The following ALPK1 variants were observed in gnomAD, a reference collection of about 807,000 sequenced individuals.
The protein encoded by ALPK1 is alpha-protein kinase 1.
ALPK1 carries 110 observed loss-of-function variants against 120.6 expected under a neutral mutation model. The ratio of observed to expected loss-of-function variants is 0.91; its 90% CI spans 0.78 to 1.07. The LOEUF (loss-of-function observed/expected upper bound fraction) is 1.07, where lower values mean the gene tolerates loss of function less well. Among genes scored for constraint, ALPK1 ranks in the 50% least tolerant of loss-of-function variants. ALPK1 has a pLI of 0.00. For missense variants in ALPK1, 1,498 were observed against 1,483.9 expected, an observed-to-expected ratio of 1.01 and a Z score of -0.16; for synonymous variants, 582 against 560.3, an observed-to-expected ratio of 1.04 and a Z score of -0.55.
At chr4:112,421,619 A>G (rs1223455402) in intron 5 of ALPK1, among the ~76,000 whole-genome samples, 2 of 152,208 alleles carry the variant, frequency 1.3e-5, no homozygotes, top group African/African-American at 4.8e-5. Context: ...CCCCTTATTC[A>G]TGGGGGATAC....
In ALPK1 at chr4:112,415,710, C is replaced by T. The variant is rs140306155; in HGVS notation, c.475+3685C>T. Among the ~76,000 whole-genome samples, 296 of 151,720 alleles carry T rather than the reference C, an allele frequency of 2.0e-3. 2 individuals are homozygous for T. The highest frequency in any genetic ancestry group is 6.8e-3 in the African/African-American group (283 of 41,374). On this transcript the variant is annotated intron_variant, in intron 5 of 15. Transcript: ENST00000650871. Reference sequence around the variant, plus strand: ...ATAGTAATTGATGGGGAATTCCCCACAGAACAGGCAGCGCATGCAAGTTTG... The same window carrying T: ...ATAGTAATTGATGGGGAATTCCCCATAGAACAGGCAGCGCATGCAAGTTTG...
chr4:112,300,831 G>A (rs1578440901), intron 1 of ALPK1, among the ~76,000 whole-genome samples: 1 of 151,982 alleles, frequency 6.6e-6, no homozygotes, highest in South Asian at 2.1e-4. Context: ...TGCACATATT[G>A]TACTTATATT....
At chr4:112,400,797 T>C (rs1450851871) in intron 4 of ALPK1, among the ~76,000 whole-genome samples, 1 of 152,234 alleles carries the variant, frequency 6.6e-6, no homozygotes, top group African/African-American at 2.4e-5. Flanking sequence ...AGACTCATCC[T>C]GTTGCTGGCA....
intron 2 of ALPK1, among the ~76,000 whole-genome samples, chr4:112,346,008 C>T (rs556762030): frequency 2.0e-5 from 3 of 152,088 alleles, no homozygotes; most frequent in Admixed American, 2.0e-4. Flanking sequence ...GGATTACAGG[C>T]GTGCGCTGCC....
intron 2 of ALPK1, among the ~76,000 whole-genome samples, chr4:112,320,778 C>G (rs376984199): frequency 8.6e-5 from 13 of 152,010 alleles, no homozygotes; most frequent in African/African-American, 2.9e-4. Flanking sequence ...GGGTTGCATA[C>G]TTCCAGAGAG....
At chr4:112,342,842 T>C (rs909860753) in intron 2 of ALPK1, among the ~76,000 whole-genome samples, 1 of 152,214 alleles carries the variant, frequency 6.6e-6, no homozygotes, top group Admixed American at 6.5e-5. Context: ...CATATTCCAG[T>C]AAATGTTAGA....
In ALPK1 at chr4:112,382,737, T is replaced by A. The variant is rs972723365; in HGVS notation, c.276+185T>A. 6.0e-6 allele frequency: 5 copies of A among 833,330 alleles called. No homozygotes were observed. In the Admixed American group the frequency reaches 8.1e-5, roughly 14 times the overall value. 51.6% of individuals were successfully genotyped at this position (833,330 alleles called of 1,614,324 possible). ...AAAACATTACTTGCCCATAAGATCTTGTGTTGTAAAGCCAAATCCAGTAAA... is the reference window on the plus strand; with the variant it reads ...AAAACATTACTTGCCCATAAGATCTAGTGTTGTAAAGCCAAATCCAGTAAA... On this transcript the variant is annotated intron_variant, in intron 4 of 15. Coordinates refer to ENST00000650871, the MANE Select transcript of ALPK1 (RefSeq NM_025144.4).
chr4:112,299,009 T>G (rs1290963562), intron 1 of ALPK1, among the ~76,000 whole-genome samples: 1 of 152,330 alleles, frequency 6.6e-6, no homozygotes, highest in East Asian at 1.9e-4. Context: ...AAATTTTGAA[T>G]ATCTATGGAT....
At chr4:112,313,744 G>T (rs1728518262) in intron 1 of ALPK1, among the ~76,000 whole-genome samples, 1 of 152,052 alleles carries the variant, frequency 6.6e-6, no homozygotes, top group Non-Finnish European at 1.5e-5. Flanking sequence ...ATAATAAGAA[G>T]AATTGACGGC....
At chr4:112,322,676 A>T (rs1430639716) in intron 2 of ALPK1, among the ~76,000 whole-genome samples, 1 of 152,204 alleles carries the variant, frequency 6.6e-6, no homozygotes, top group African/African-American at 2.4e-5. Context: ...AATGGAGAAA[A>T]ACAAAAAATA....
At chr4:112,361,877 A>G (rs1730930038) in intron 2 of ALPK1, among the ~76,000 whole-genome samples, 2 of 152,250 alleles carry the variant, frequency 1.3e-5, no homozygotes, top group Non-Finnish European at 2.9e-5. Context: ...GCTGGTATCC[A>G]TGGCTGAGAA....
chr4:112,423,367 T>C (rs1444590261), intron 5 of ALPK1, among the ~76,000 whole-genome samples: 1 of 151,960 alleles, frequency 6.6e-6, no homozygotes, highest in African/African-American at 2.4e-5. Flanking sequence ...AGAGGTGAGG[T>C]CAAAGAAGTC....
At chr4:112,417,770 G>A (rs903961855) in intron 5 of ALPK1, among the ~76,000 whole-genome samples, 3 of 152,194 alleles carry the variant, frequency 2.0e-5, no homozygotes, top group Admixed American at 1.3e-4. Context: ...ATAGGCATGA[G>A]TCACCGTGCC....
chr4:112,319,149 A>G (rs1728758083), intron 2 of ALPK1, among the ~76,000 whole-genome samples: 1 of 152,204 alleles, frequency 6.6e-6, no homozygotes, highest in Non-Finnish European at 1.5e-5. Flanking sequence ...GGTCCAAACT[A>G]AACAGGGAGA....
At chr4:112,393,943 TA>T (rs1396750922) in intron 4 of ALPK1, among the ~76,000 whole-genome samples, 10 of 152,066 alleles carry the variant, frequency 6.6e-5, no homozygotes, top group African/African-American at 2.4e-4. Context: ...TATATATATA[TA>T]TATACTGTAT....
chr4:112,355,654 C>T (rs941036734), intron 2 of ALPK1, among the ~76,000 whole-genome samples: 1 of 152,170 alleles, frequency 6.6e-6, no homozygotes, highest in African/African-American at 2.4e-5. Context: ...AGATTTCTGC[C>T]TGTGGGCGAT....
chr4:112,324,560 C>T (rs1371837288), intron 2 of ALPK1, among the ~76,000 whole-genome samples: 2 of 152,046 alleles, frequency 1.3e-5, no homozygotes, highest in South Asian at 2.1e-4. Context: ...TCACTGCGAC[C>T]TCAAACTCTT....
chr4:112,426,448 C>A lies in ALPK1; in HGVS notation c.623-19C>A. ...TGTTCCTCCCCTGTCCCTCTCCCCG[C>A]CCCTCTTTTTTTTTTCAGGGATGTG... On this transcript the variant is annotated intron_variant, in intron 7 of 15. Coordinates refer to ENST00000650871, the MANE Select transcript of ALPK1 (RefSeq NM_025144.4). 6.3e-7 allele frequency: 1 copy of A among 1,587,878 alleles called. No homozygotes were observed. Among genetic ancestry groups the A allele is most frequent in the Non-Finnish European group, 8.6e-7 (1 of 1,167,774 alleles).
rs764496273 is a variant in ALPK1, at chr4:112,426,534, G to A, written c.690G>A (p.Pro230=). The part of the protein sequence containing the change: ...SIVGYLALPQ[P]DKKGLSTSLG... The stretch of plus-strand genomic sequence containing the variant: ...TAGGATATTTGGCACTTCCTCAGCC[G>A]GATAAAAAGGTGGTTTGTCTAGTGC... Residue 230 remains proline, a synonymous_variant, in exon 8 of 16, where the codon CCG becomes CCA. Transcript: ENST00000650871. 1.3e-5 allele frequency: 20 copies of A among 1,569,580 alleles called. No individual in the cohort carries two copies. The highest frequency in any genetic ancestry group is 3.6e-5 in the South Asian group (3 of 83,118).
Sources: allele counts gnomAD v4.1 joint callset (sites outside exome capture counted in the v4.1 genomes callset), GRCh38; gene constraint gnomAD v4.1.1; transcripts MANE v1.5; gene names NCBI Gene and HGNC (gene_info 2026-07-23, HGNC 2026-07-21).